Variants in ARHGEF4 observed in about 807,000 individuals in gnomAD.
The protein encoded by ARHGEF4 is APC-stimulated guanine nucleotide exchange factor 1.
In ARHGEF4, 119 loss-of-function variants were observed where a neutral mutation model predicts 162.0. That is an observed-to-expected ratio of 0.73 (90% CI 0.63 to 0.86). The LOEUF (loss-of-function observed/expected upper bound fraction) is 0.86. ARHGEF4 is among the 40% of genes least tolerant of loss of function. The pLI is 0.00. For synonymous variants in ARHGEF4, 1,014 were observed against 979.9 expected, an observed-to-expected ratio of 1.03 and a Z score of -0.65; for missense variants, 2,488 against 2,456.0, an observed-to-expected ratio of 1.01 and a Z score of -0.28.
chr2:131,041,101 C>T, intron 8 of ARHGEF4, 129 bp from the exon 9 acceptor site: 4 of 779,782 alleles, frequency 5.1e-6, no homozygotes, highest in Non-Finnish European at 8.3e-6. Context: ...TACACACAGC[C>T]TGGGTCTCCC....
chr2:131,019,412 C>CA (rs200279490), intron 4 of ARHGEF4, among the ~76,000 whole-genome samples: 337 of 135,394 alleles, frequency 2.5e-3, no homozygotes, highest in Middle Eastern at 0.023. Context: ...AACTCTGTCT[C>CA]AAAAAAAAAA....
rs111737725 is a variant in ARHGEF4 at position 130,995,958 on chromosome 2, C to T, written c.3986-31987C>T. Reference sequence around the variant, plus strand: ...AGGCTGGAGTGCAGTGGCGCGATCTCGGCTTACTGCAACCTCCGCCTCCCA... The same window carrying T: ...AGGCTGGAGTGCAGTGGCGCGATCTTGGCTTACTGCAACCTCCGCCTCCCA... On this transcript the variant is annotated intron_variant, in intron 4 of 13. Transcript: ENST00000409359. Among the ~76,000 whole-genome samples the T allele has an allele frequency of 2.8e-3, 415 of 150,648 alleles. 1 individual carries two copies. Among genetic ancestry groups the T allele is most frequent in the Non-Finnish European group, 4.6e-3 (313 of 67,800 alleles).
chr2:130,882,915 T>G (rs1679290499), intron 1 of ARHGEF4, among the ~76,000 whole-genome samples: 1 of 151,980 alleles, frequency 6.6e-6, no homozygotes, highest in Admixed American at 6.5e-5. Flanking sequence ...GTTGTTTGCT[T>G]TTTTGTCATT....
At chr2:130,902,944 G>A (rs1680579192) in intron 1 of ARHGEF4, among the ~76,000 whole-genome samples, 1 of 152,014 alleles carries the variant, frequency 6.6e-6, no homozygotes, top group South Asian at 2.1e-4. Flanking sequence ...TTTTTTCAGT[G>A]TCTTATCTCT....
intron 5 of ARHGEF4, 118 bp from the exon 6 acceptor site, chr2:131,038,732 GCTC>G (rs1211420608): frequency 1.8e-6 from 2 of 1,121,812 alleles, no homozygotes; most frequent in African/African-American, 3.1e-5. Context: ...AGCCTTGTCA[GCTC>G]CTCTGTAAAG....
rs575777803 is a variant in ARHGEF4, at chr2:130,901,551, G to A, written c.40-12435G>A. On this transcript the variant is annotated intron_variant, in intron 1 of 13. Transcript: ENST00000409359. ...TTTTTTTTTTTTGAGACAGAGTTTC[G>A]CTCTTGTTGCCCAGGCTGGAGTGCA... Among the ~76,000 whole-genome samples the A allele has an allele frequency of 6.7e-5, 10 of 149,168 alleles. No homozygotes were observed. The South Asian group carries it at 1.3e-3, about 19-fold the overall frequency.
rs1273962742 is a variant in ARHGEF4, at chr2:130,940,903, G to A, written c.3859-5606G>A. On this transcript the variant is annotated intron_variant, in intron 3 of 13. Transcript: ENST00000409359. ...CAGGGAAGTAGTGAGCAGGTGCCTG[G>A]TGGTAGAGAGATGGATGGCAAGAGT... Among the ~76,000 whole-genome samples the A allele has an allele frequency of 2.0e-5, 3 of 151,856 alleles. No homozygotes were observed. In the East Asian group the frequency reaches 5.8e-4, roughly 30 times the overall value.
At chr2:131,045,556 G>A (rs1420023839) in intron 13 of ARHGEF4, 110 bp downstream of exon 13, 2 of 1,609,314 alleles carry the variant, frequency 1.2e-6, no homozygotes, top group Admixed American at 1.7e-5. Flanking sequence ...GCCTGAGGGG[G>A]GCCCACTGCC....
In ARHGEF4 at chr2:130,932,987, C is replaced by T. The variant is rs1025265150; in HGVS notation, c.3858+1730C>T. On this transcript the variant is annotated intron_variant, in intron 3 of 13. Transcript: ENST00000409359. ...ATCCCAGCACTTGGGGAAGCCGAGG[C>T]GGTGGATCACTTAAGGCCAGAAGTT... Among the ~76,000 whole-genome samples, 11 of 152,178 alleles carry T rather than the reference C, an allele frequency of 7.2e-5. No homozygotes were observed. In the East Asian group the frequency reaches 1.4e-3, roughly 19 times the overall value.
At chr2:130,970,079 C>T (rs773854475) in intron 4 of ARHGEF4, among the ~76,000 whole-genome samples, 1 of 152,176 alleles carries the variant, frequency 6.6e-6, no homozygotes, top group South Asian at 2.1e-4. Context: ...TAGGGTGTTA[C>T]AAATAAAGCT....
chr2:130,848,823 T>C (rs1232802975), intron 1 of ARHGEF4, among the ~76,000 whole-genome samples: 2 of 152,154 alleles, frequency 1.3e-5, no homozygotes, highest in African/African-American at 2.4e-5. Flanking sequence ...GAGACAGGCC[T>C]GGGTGGCGCA....
intron 2 of ARHGEF4, among the ~76,000 whole-genome samples, chr2:130,924,840 G>A (rs1267598957): frequency 6.6e-6 from 1 of 152,156 alleles, no homozygotes; most frequent in African/African-American, 2.4e-5. Flanking sequence ...TGACCTGACG[G>A]TGAGCCTTGG....
At chr2:130,948,851 A>G (rs949165181) in intron 4 of ARHGEF4, among the ~76,000 whole-genome samples, 4 of 152,120 alleles carry the variant, frequency 2.6e-5, no homozygotes, top group African/African-American at 9.7e-5. Context: ...CTGTTTTCCT[A>G]TTTTGTAAGG....
At position 130,978,502 on chromosome 2, in the gene ARHGEF4, GC is replaced by G. The variant is rs146255678; in HGVS notation, c.3985+31868del. Among the ~76,000 whole-genome samples the G allele has an allele frequency of 7.3e-3, 1,114 of 152,262 alleles. 14 individuals carry two copies. Among genetic ancestry groups the G allele is most frequent in the African/African-American group, 0.025 (1,030 of 41,546 alleles). Reference sequence around the variant, plus strand: ...ACTGTCCATATAGATTCCCAAGTTGGCTTTGCTGGAACATCTCACAAGACTA... The same window carrying G: ...ACTGTCCATATAGATTCCCAAGTTGGTTTGCTGGAACATCTCACAAGACTA... On this transcript the variant is annotated intron_variant, in intron 4 of 13. Coordinates refer to ENST00000409359, the MANE Select transcript of ARHGEF4 (RefSeq NM_001367493.1).
At chr2:131,025,833 G>C (rs1689446130) in intron 4 of ARHGEF4, among the ~76,000 whole-genome samples, 1 of 152,164 alleles carries the variant, frequency 6.6e-6, no homozygotes, top group South Asian at 2.1e-4. Flanking sequence ...TCACAGACGA[G>C]AAAATGTCTG....
At chr2:130,920,059 C>T (rs1005651574) in intron 2 of ARHGEF4, among the ~76,000 whole-genome samples, 1 of 152,026 alleles carries the variant, frequency 6.6e-6, no homozygotes, top group African/African-American at 2.4e-5. Context: ...ACCTGGACAG[C>T]CTGCTTGGTT....
At chr2:130,949,650 G>A (rs371284672) in intron 4 of ARHGEF4, among the ~76,000 whole-genome samples, 14 of 149,846 alleles carry the variant, frequency 9.3e-5, no homozygotes, top group African/African-American at 2.5e-4. Context: ...CACCATGCCC[G>A]GCCTGTTTGT....
At chr2:131,035,005 C>T in intron 5 of ARHGEF4, 2 of 985,034 alleles carry the variant, frequency 2.0e-6, no homozygotes, top group Non-Finnish European at 2.4e-6. Flanking sequence ...AGCGCAGGCG[C>T]CCCGCCTCTC....
intron 4 of ARHGEF4, among the ~76,000 whole-genome samples, chr2:131,014,918 G>A (rs1688681627): frequency 6.6e-6 from 1 of 152,098 alleles, no homozygotes; most frequent in Admixed American, 6.5e-5. Context: ...GAGAGGTGTG[G>A]AGAGCGATGG....
Sources: allele counts gnomAD v4.1 joint callset (sites outside exome capture counted in the v4.1 genomes callset), GRCh38; gene constraint gnomAD v4.1.1; transcripts MANE v1.5; gene names NCBI Gene and HGNC (gene_info 2026-07-23, HGNC 2026-07-21).